The following ADAMTSL1 variants were observed in gnomAD, a reference collection of about 807,000 sequenced individuals.
The protein encoded by ADAMTSL1 is ADAMTS-like protein 1.
Under a neutral mutation model 201.8 loss-of-function variants are expected in ADAMTSL1, and 126 were observed. The ratio of observed to expected loss-of-function variants is 0.62; its 90% CI spans 0.54 to 0.72. The LOEUF (loss-of-function observed/expected upper bound fraction) is 0.72, where lower values mean the gene tolerates loss of function less well. ADAMTSL1 is among the 30% of genes least tolerant of loss of function. The pLI is 0.00. For missense variants in ADAMTSL1, 2,679 were observed against 2,277.8 expected (o/e 1.18, Z -3.59); for synonymous variants, 1,121 against 903.4 (o/e 1.24, Z -4.32).
chr9:18,135,015 AG>A (rs1826099877), intron 1 of ADAMTSL1, among the ~76,000 whole-genome samples: 1 of 152,192 alleles, frequency 6.6e-6, no homozygotes, highest in African/African-American at 2.4e-5. Flanking sequence ...GGATCAGACA[AG>A]GGAATCAATA....
chr9:18,842,326 G>C (rs1318619676), intron 23 of ADAMTSL1, among the ~76,000 whole-genome samples: 1 of 152,074 alleles, frequency 6.6e-6, no homozygotes, highest in Non-Finnish European at 1.5e-5. Context: ...AGGTTGTTCA[G>C]TTTCCATGTA....
chr9:18,429,721 T>A (rs1292481991), intron 2 of ADAMTSL1, among the ~76,000 whole-genome samples: 1 of 152,160 alleles, frequency 6.6e-6, no homozygotes, highest in African/African-American at 2.4e-5. Flanking sequence ...GATAAGGATT[T>A]TTTCATTAAA....
At chr9:18,385,184 A>G (rs1352439109) in intron 2 of ADAMTSL1, among the ~76,000 whole-genome samples, 1 of 152,128 alleles carries the variant, frequency 6.6e-6, no homozygotes, top group Non-Finnish European at 1.5e-5. Context: ...TTTACCCAAC[A>G]TAGAAAATCT....
chr9:17,960,087 C>G (rs891315986), intron 1 of ADAMTSL1, among the ~76,000 whole-genome samples: 2 of 152,164 alleles, frequency 1.3e-5, no homozygotes, highest in African/African-American at 4.8e-5. Context: ...GCTTCATGAT[C>G]CTTAGCTCCT....
rs4474116 is a variant in ADAMTSL1, at chr9:18,478,331, T to C, written c.63+4036T>C. Among the ~76,000 whole-genome samples, 795 of 152,238 alleles carry C rather than the reference T, an allele frequency of 5.2e-3. 8 individuals carry two copies. Among genetic ancestry groups the C allele is most frequent in the African/African-American group, 0.018 (754 of 41,540 alleles). On this transcript the variant is annotated intron_variant, in intron 1 of 28. Coordinates refer to ENST00000380548, the MANE Select transcript of ADAMTSL1 (RefSeq NM_001040272.6). The stretch of plus-strand genomic sequence containing the variant: ...GGTCTGGTGTTTTGGTTCTCCCCTT[T>C]ATTATGGCTTACTCAGAATATAATT...
rs559165539 is a variant in ADAMTSL1, at chr9:18,816,330, A to G, written c.3806-779A>G. ...CGGCTCATTGCACCTTCCACCTCCC[A>G]GGTTCAAGTGATTCTCATCCCTCAG... On this transcript the variant is annotated intron_variant, in intron 20 of 28. Transcript: ENST00000380548. 3.7e-4 allele frequency among the ~76,000 whole-genome samples: 56 copies of G among 152,262 alleles called. 2 individuals are homozygous for G. In the South Asian group the frequency reaches 7.5e-3, roughly 20 times the overall value.
At chr9:18,598,389 G>A (rs1424203158) in intron 4 of ADAMTSL1, among the ~76,000 whole-genome samples, 2 of 152,126 alleles carry the variant, frequency 1.3e-5, no homozygotes, top group African/African-American at 4.8e-5. Flanking sequence ...AATGAAGTGA[G>A]AATGCTTTTT....
intron 2 of ADAMTSL1, among the ~76,000 whole-genome samples, chr9:18,284,583 T>C (rs1271540675): frequency 1.3e-5 from 2 of 152,246 alleles, no homozygotes; most frequent in African/African-American, 2.4e-5. Context: ...CACCAGGTTT[T>C]GTAACCAGGC....
At chr9:18,006,398 T>C (rs1463822322) in intron 1 of ADAMTSL1, among the ~76,000 whole-genome samples, 1 of 152,022 alleles carries the variant, frequency 6.6e-6, no homozygotes, top group East Asian at 1.9e-4. Flanking sequence ...ATTTCACAGT[T>C]GGCCCTTTGG....
chr9:17,970,401 T>C (rs184623883), intron 1 of ADAMTSL1, among the ~76,000 whole-genome samples: 4 of 152,118 alleles, frequency 2.6e-5, no homozygotes, highest in Admixed American at 2.6e-4. Flanking sequence ...TCTAAAACCC[T>C]TGGATGACTC....
intron 2 of ADAMTSL1, among the ~76,000 whole-genome samples, chr9:18,307,743 G>T (rs202112817): frequency 6.6e-6 from 1 of 151,956 alleles, no homozygotes; most frequent in Admixed American, 6.6e-5. Context: ...CATAATAATA[G>T]TGGGAGACTT....
intron 2 of ADAMTSL1, among the ~76,000 whole-genome samples, chr9:18,313,980 T>C (rs776859505): frequency 4.6e-5 from 7 of 152,098 alleles, no homozygotes; most frequent in Non-Finnish European, 1.0e-4. Flanking sequence ...AACAACTTAG[T>C]AGCAAAACAC....
intron 2 of ADAMTSL1, among the ~76,000 whole-genome samples, chr9:18,361,657 G>C (rs1586971563): frequency 6.6e-6 from 1 of 152,124 alleles, no homozygotes; most frequent in African/African-American, 2.4e-5. Flanking sequence ...TGAAGGAGCA[G>C]AACTATGAGA....
chr9:18,261,859 T>C (rs761936165), intron 2 of ADAMTSL1, among the ~76,000 whole-genome samples: 4 of 152,158 alleles, frequency 2.6e-5, no homozygotes, highest in Non-Finnish European at 5.9e-5. Flanking sequence ...TGGAAAAATA[T>C]TCTTTGTGGG....
At chr9:18,889,821 C>G in intron 25 of ADAMTSL1, 73 bp downstream of exon 25, 1 of 1,369,290 alleles carries the variant, frequency 7.3e-7, no homozygotes, top group Non-Finnish European at 9.5e-7. Flanking sequence ...AGTCAGTGGC[C>G]AGCCCTTCAG....
intron 15 of ADAMTSL1, among the ~76,000 whole-genome samples, chr9:18,727,444 C>T (rs968654173): frequency 2.6e-5 from 4 of 152,232 alleles, no homozygotes; most frequent in African/African-American, 9.6e-5. Flanking sequence ...TACTGTCATC[C>T]CCCTTGGTAA....
chr9:18,156,566 A>G (rs1371626249), intron 1 of ADAMTSL1, among the ~76,000 whole-genome samples: 1 of 151,674 alleles, frequency 6.6e-6, no homozygotes, highest in Admixed American at 6.6e-5. Context: ...TAACTGTTCA[A>G]CTCTCTGTTT....
intron 1 of ADAMTSL1, among the ~76,000 whole-genome samples, chr9:18,096,324 T>C (rs1587037412): frequency 1.3e-5 from 2 of 152,234 alleles, no homozygotes; most frequent in African/African-American, 4.8e-5. Flanking sequence ...TCACTCTTAG[T>C]TCTATCAATA....
intron 2 of ADAMTSL1, among the ~76,000 whole-genome samples, chr9:18,519,113 T>A (rs998518444): frequency 6.6e-6 from 1 of 152,242 alleles, no homozygotes; most frequent in African/African-American, 2.4e-5. Flanking sequence ...CCCCTGAGTC[T>A]CACCATGCTA....
Sources: allele counts gnomAD v4.1 joint callset (sites outside exome capture counted in the v4.1 genomes callset), GRCh38; gene constraint gnomAD v4.1.1; transcripts MANE v1.5; gene names NCBI Gene and HGNC (gene_info 2026-07-23, HGNC 2026-07-21).